The following ZDHHC9 variants were observed in gnomAD, a reference collection of about 807,000 sequenced individuals.
ZDHHC9 encodes the protein palmitoyltransferase ZDHHC9.
Under a neutral mutation model 26.6 loss-of-function variants are expected in ZDHHC9, and 3 were observed. The ratio of observed to expected loss-of-function variants is 0.11; its 90% CI spans 0.05 to 0.29. The LOEUF (loss-of-function observed/expected upper bound fraction) is 0.29, where lower values mean the gene tolerates loss of function less well. ZDHHC9 is among the 10% of genes least tolerant of loss of function. ZDHHC9 has a pLI of 1.00. For missense variants in ZDHHC9, 146 were observed against 296.4 expected, an observed-to-expected ratio of 0.49 and a Z score of 3.73; for synonymous variants, 111 against 109.4, an observed-to-expected ratio of 1.01 and a Z score of -0.09.
intron 4 of ZDHHC9, among the ~76,000 whole-genome samples, chrX:129,826,415 T>C (rs1928018639): frequency 2.7e-5 from 3 of 110,942 alleles, no homozygotes; most frequent in South Asian, 3.8e-4. Context: ...AACATACATA[T>C]GAACTGAAAA....
chrX:129,809,836 A>G (rs1229591412), intron 10 of ZDHHC9, among the ~76,000 whole-genome samples: 1 of 109,695 alleles, frequency 9.1e-6, no homozygotes, highest in Non-Finnish European at 1.9e-5. Context: ...CGTCTCTACT[A>G]AAAAATACAA....
chrX:129,806,324 T>C lies in ZDHHC9; in HGVS notation c.*46A>G. On this transcript the variant is annotated 3_prime_UTR_variant, in exon 11 of 11. Coordinates refer to ENST00000357166, the MANE Select transcript of ZDHHC9 (RefSeq NM_016032.4). Reference sequence around the variant, plus strand: ...GGTTTAACTTCTCACCTGAAATCTCTCATAGCCCTAATTAAACACAAACAA... The same window carrying C: ...GGTTTAACTTCTCACCTGAAATCTCCCATAGCCCTAATTAAACACAAACAA... 1 of 1,078,201 alleles carries C rather than the reference T, an allele frequency of 9.3e-7. No homozygotes were observed. The highest frequency in any genetic ancestry group is 1.3e-6 in the Non-Finnish European group (1 of 773,738). The allele number at this position is 1,078,201 out of a possible 1,213,427, so 88.9% of individuals were successfully genotyped here.
chrX:129,821,350 T>C (rs1338004179), intron 5 of ZDHHC9, among the ~76,000 whole-genome samples: 3 of 105,493 alleles, frequency 2.8e-5, no homozygotes, highest in Non-Finnish European at 5.8e-5. Context: ...TGGAGTGCAG[T>C]GGCGCGATCT....
intron 3 of ZDHHC9, among the ~76,000 whole-genome samples, chrX:129,838,523 T>C (rs952301790): frequency 1.8e-5 from 2 of 110,345 alleles, no homozygotes; most frequent in Non-Finnish European, 1.9e-5. Context: ...AATACAAAAA[T>C]TATTTGTATT....
At position 129,827,958 on chromosome X, in the gene ZDHHC9, A is replaced by G. The variant is rs187518991; in HGVS notation, c.328+1023T>C. ...CAGCCTCCCGAGTAGCTGGGATTAC[A>G]GGCACATGCCACCATGCCCGGCTAA... On this transcript the variant is annotated intron_variant, in intron 4 of 10. Transcript: ENST00000357166. Among the ~76,000 whole-genome samples, 366 of 111,691 alleles carry G rather than the reference A, an allele frequency of 3.3e-3. 1 individual carries two copies. Among genetic ancestry groups the G allele is most frequent in the African/African-American group, 0.011 (328 of 30,760 alleles).
At chrX:129,828,269 T>G (rs1293833890) in intron 4 of ZDHHC9, among the ~76,000 whole-genome samples, 1 of 111,668 alleles carries the variant, frequency 9.0e-6, no homozygotes, top group Non-Finnish European at 1.9e-5. Flanking sequence ...AACCAAAAAG[T>G]GGCTCTTGAG....
intron 8 of ZDHHC9, among the ~76,000 whole-genome samples, chrX:129,812,481 C>G (rs773334496): frequency 3.6e-5 from 4 of 112,322 alleles, no homozygotes; most frequent in Non-Finnish European, 7.5e-5. Flanking sequence ...GACCTGTGAA[C>G]AGTTAAAGGC....
chrX:129,818,183 G>C (rs764901211), intron 5 of ZDHHC9, among the ~76,000 whole-genome samples: 1 of 112,006 alleles, frequency 8.9e-6, no homozygotes, highest in Non-Finnish European at 1.9e-5. Flanking sequence ...AAAAGGTCAC[G>C]TGAGGACACA....
intron 2 of ZDHHC9, among the ~76,000 whole-genome samples, chrX:129,842,649 C>A (rs1306981580): frequency 1.8e-5 from 2 of 113,093 alleles, no homozygotes; most frequent in African/African-American, 6.4e-5. Context: ...ACAAGTCACC[C>A]TCTGGCAGGG....
intron 3 of ZDHHC9, among the ~76,000 whole-genome samples, chrX:129,836,131 G>A (rs191620750): frequency 8.9e-4 from 99 of 111,685 alleles, no homozygotes; most frequent in Non-Finnish European, 8.7e-4. Context: ...TTGTCACTGT[G>A]GGCACTAACA....
At chrX:129,839,728 C>T (rs1928338745) in intron 3 of ZDHHC9, among the ~76,000 whole-genome samples, 2 of 111,246 alleles carry the variant, frequency 1.8e-5, no homozygotes, top group African/African-American at 6.6e-5. Flanking sequence ...GACACACACA[C>T]ACATACACAA....
intron 3 of ZDHHC9, among the ~76,000 whole-genome samples, chrX:129,836,044 C>T (rs1928254155): frequency 9.0e-6 from 1 of 111,575 alleles, no homozygotes; most frequent in Non-Finnish European, 1.9e-5. Flanking sequence ...AGAATGCACT[C>T]TTGGTTACAG....
At chrX:129,817,993 T>G in intron 5 of ZDHHC9, among the ~76,000 whole-genome samples, 1 of 111,722 alleles carries the variant, frequency 9.0e-6, no homozygotes, top group Non-Finnish European at 1.9e-5. Flanking sequence ...GAATGAACTG[T>G]ACCCCCACTC....
At chrX:129,811,644 T>TA (rs1390977472) in intron 8 of ZDHHC9, 135 bp from the exon 9 acceptor site, 2 of 525,445 alleles carry the variant, frequency 3.8e-6, no homozygotes, top group Admixed American at 7.7e-5. Flanking sequence ...CATGGGATAA[T>TA]AAAAAAGTTC....
intron 10 of ZDHHC9, 43 bp from the exon 11 acceptor site, chrX:129,806,529 C>G: frequency 9.0e-7 from 1 of 1,108,097 alleles, no homozygotes; most frequent in Non-Finnish European, 1.2e-6. Flanking sequence ...AGCTGTTCCT[C>G]AAAATCCAAA....
chrX:129,813,896 T>C (rs1927701905), intron 6 of ZDHHC9, among the ~76,000 whole-genome samples, 171 bp from the exon 7 acceptor site: 1 of 112,337 alleles, frequency 8.9e-6, no homozygotes, highest in South Asian at 3.7e-4. Context: ...GCTGGTAGTC[T>C]CATGACTAAA....
intron 5 of ZDHHC9, among the ~76,000 whole-genome samples, chrX:129,820,229 A>G (rs1468553933): frequency 6.3e-5 from 7 of 110,638 alleles, no homozygotes; most frequent in Non-Finnish European, 1.1e-4. Context: ...TCCAATTTAC[A>G]CTCTTACTAG....
intron 5 of ZDHHC9, among the ~76,000 whole-genome samples, chrX:129,816,946 G>A (rs931105378): frequency 1.6e-4 from 18 of 110,863 alleles, no homozygotes; most frequent in Non-Finnish European, 2.8e-4. Flanking sequence ...GCAATGGTGC[G>A]ATCTCGGCTC....
intron 5 of ZDHHC9, among the ~76,000 whole-genome samples, chrX:129,818,373 C>T (rs1426419873): frequency 9.0e-6 from 1 of 111,710 alleles, no homozygotes; most frequent in African/African-American, 3.3e-5. Context: ...AGGTATACAC[C>T]CAGGAGTGGA....
Sources: allele counts gnomAD v4.1 joint callset (sites outside exome capture counted in the v4.1 genomes callset), GRCh38; gene constraint gnomAD v4.1.1; transcripts MANE v1.5; gene names NCBI Gene and HGNC (gene_info 2026-07-23, HGNC 2026-07-21).